SOX21: variants seen among roughly 807,000 people sequenced by gnomAD.
SOX21 encodes the protein SRY-box transcription factor 21.
For synonymous variants in SOX21, 237 were observed against 189.7 expected (o/e 1.25, Z -2.05); for missense variants, 370 against 388.8 (o/e 0.95, Z 0.41).
In SOX21 at chr13:94,711,491, A is replaced by G. The variant is rs746541772; in HGVS notation, c.559T>C (p.Ser187Pro). 2 of 1,024,024 alleles carry G rather than the reference A, an allele frequency of 2.0e-6. No individual in the cohort carries two copies. The highest frequency in any genetic ancestry group is 2.4e-6 in the Non-Finnish European group (2 of 848,810). 63.4% of individuals were successfully genotyped at this position (1,024,024 alleles called of 1,614,324 possible). A position where few individuals can be genotyped will look rare whatever the true frequency, so the allele number is the denominator to read the frequency against. ...AGCGACGACGCGTACGGGAGGCCGG[A>G]CGAGGACGACGAGATCTCTGCCATT... Reference protein sequence around the residue: ...SKMAEISSSSSGLPYASSLGY... With the variant: ...SKMAEISSSSPGLPYASSLGY... The change falls in exon 1 of 1, where the codon TCC (serine) becomes CCC (proline). Residue 187 changes from serine to proline, a missense_variant. Ser to Pro is a moderately conservative substitution (Grantham distance 74). Transcript: ENST00000376945.
chr13:94,711,177 T>C lies in SOX21; in HGVS notation c.*42A>G. On this transcript the variant is annotated 3_prime_UTR_variant, in exon 1 of 1. Transcript: ENST00000376945. ...CGCAGCGCTCGTACCTATACATATG[T>C]ACACGTGTGCACACCGGTCCTCGCG... The C allele has an allele frequency of 7.8e-7, 1 of 1,281,982 alleles. No individual in the cohort carries two copies. The highest frequency in any genetic ancestry group is 2.6e-5 in the South Asian group (1 of 37,834). 79.4% of individuals were successfully genotyped at this position (1,281,982 alleles called of 1,614,324 possible).
Position 94,712,257 on chromosome 13 carries a change from G to C in SOX21, c.-208C>G. The C allele has an allele frequency of 3.3e-6, 4 of 1,220,532 alleles. No individual in the cohort carries two copies. Among genetic ancestry groups the C allele is most frequent in the Non-Finnish European group, 4.1e-6 (4 of 983,692 alleles). 75.6% of individuals were successfully genotyped at this position (1,220,532 alleles called of 1,614,324 possible). A position where few individuals can be genotyped will look rare whatever the true frequency, so the allele number is the denominator to read the frequency against. ...GCCGCCTTAGTGTCTCCGGCCGAGC[G>C]CTCGAGCAGGTTGTCTCTGGGACAC... On this transcript the variant is annotated 5_prime_UTR_variant, in exon 1 of 1. Coordinates refer to ENST00000376945, the MANE Select transcript of SOX21 (RefSeq NM_007084.4). This position sits in a 1 kb window ranked among gnomAD's most constrained non-coding sequence, Gnocchi z 5.0.
At position 94,711,490 on chromosome 13, in the gene SOX21, G is replaced by C; in HGVS notation, c.560C>G (p.Ser187Cys). ...CAGCGACGACGCGTACGGGAGGCCG[G>C]ACGAGGACGACGAGATCTCTGCCAT... ...SKMAEISSSS[S>C]GLPYASSLGY... Residue 187 changes from serine (S) to cysteine (C), a missense_variant, in exon 1 of 1, where the codon TCC becomes TGC. Coordinates refer to ENST00000376945, the MANE Select transcript of SOX21 (RefSeq NM_007084.4). The C allele has an allele frequency of 9.7e-7, 1 of 1,030,222 alleles. No homozygotes were observed. The highest frequency in any genetic ancestry group is 1.7e-5 in the African/African-American group (1 of 58,014). The allele number at this position is 1,030,222 out of a possible 1,614,324, so 63.8% of individuals were successfully genotyped here.
chr13:94,711,388 C>T lies in SOX21; in HGVS notation c.662G>A (p.Gly221Glu), dbSNP rs868549237. 30 of 1,238,838 alleles carry T rather than the reference C, an allele frequency of 2.4e-5. 1 individual carries two copies. Among genetic ancestry groups the T allele is most frequent in the Non-Finnish European group, 3.0e-5 (30 of 991,930 alleles). The allele number at this position is 1,238,838 out of a possible 1,614,324, so 76.7% of individuals were successfully genotyped here. A position where few individuals can be genotyped will look rare whatever the true frequency, so the allele number is the denominator to read the frequency against. The change falls in exon 1 of 1, where the codon GGG (glycine) becomes GAG (glutamate). Residue 221 changes from glycine to glutamate, a missense_variant. Transcript: ENST00000376945. ...AAAAAAAAAG[G>E]HTHSHPSPGN... is the part of the protein sequence containing the mutation. ...CGGGCTGGGGTGCGAGTGCGTGTGCCCCCCGGCGGCGGCGGCCGCCGCTGC... is the reference window on the plus strand; with the variant it reads ...CGGGCTGGGGTGCGAGTGCGTGTGCTCCCCGGCGGCGGCGGCCGCCGCTGC...
Sources: allele counts gnomAD v4.1 joint callset, GRCh38; gene constraint gnomAD v4.1.1; non-coding constraint Gnocchi (gnomAD v3.1); transcripts MANE v1.5; gene names NCBI Gene and HGNC (gene_info 2026-07-23, HGNC 2026-07-21).